Variants in HTN1 observed in about 807,000 individuals in gnomAD.
The protein encoded by HTN1 is histatin-1.
Under a neutral mutation model 11.2 loss-of-function variants are expected in HTN1, and 18 were observed. The ratio of observed to expected loss-of-function variants is 1.61; its 90% CI spans 1.12 to 2.39. The LOEUF (loss-of-function observed/expected upper bound fraction) is 2.39, where lower values mean the gene tolerates loss of function less well. Ranked by LOEUF, HTN1 falls within the 30% of genes most tolerant of loss-of-function variation. HTN1 has a pLI of 0.00. For missense variants in HTN1, 80 were observed against 67.2 expected (o/e 1.19, Z -0.67); for synonymous variants, 21 against 20.5 (o/e 1.02, Z -0.07).
In HTN1 at chr4:70,052,821, C is replaced by T. The variant is rs181940290; in HGVS notation, c.-13-243C>T. ...AAAAAAAAAAAAGAAAGAAAAAATT[C>T]GCTGGGCATGGTGGCACACACTTGT... On this transcript the variant is annotated intron_variant, in intron 1 of 5. Transcript: ENST00000246896. 1.6e-4 allele frequency: 49 copies of T among 315,072 alleles called. 1 individual carries two copies. The highest frequency in any genetic ancestry group is 1.1e-3 in the Admixed American group (24 of 22,362). The allele number at this position is 315,072 out of a possible 1,614,324, so 19.5% of individuals were successfully genotyped here. A position where few individuals can be genotyped will look rare whatever the true frequency, so the allele number is the denominator to read the frequency against.
chr4:70,057,316 A>T (rs1726068779), intron 5 of HTN1: 2 of 152,310 alleles, frequency 1.3e-5, no homozygotes, highest in South Asian at 4.1e-4. Context: ...GGTCTCACTC[A>T]TAAGTGGGAG....
intron 4 of HTN1, 51 bp downstream of exon 4, chr4:70,054,501 T>G (rs777988625): frequency 8.8e-7 from 1 of 1,139,672 alleles, no homozygotes; most frequent in Non-Finnish European, 1.3e-6. Context: ...CCTCTCTGAC[T>G]ATTTATTCTC....
chr4:70,051,781 GT>G (rs1725900433), intron 1 of HTN1, among the ~76,000 whole-genome samples: 1 of 152,062 alleles, frequency 6.6e-6, no homozygotes, highest in Non-Finnish European at 1.5e-5. Flanking sequence ...ATGTAGGGCT[GT>G]TTAAGAGCAG....
At chr4:70,055,068 T>C (rs1389686508) in intron 4 of HTN1, among the ~76,000 whole-genome samples, 1 of 151,922 alleles carries the variant, frequency 6.6e-6, no homozygotes, top group Non-Finnish European at 1.5e-5. Context: ...GCAGTGGGTA[T>C]GAAAGAATGT....
At chr4:70,053,837 T>C (rs1725960617) in intron 2 of HTN1, among the ~76,000 whole-genome samples, 1 of 152,136 alleles carries the variant, frequency 6.6e-6, no homozygotes, top group African/African-American at 2.4e-5. Flanking sequence ...CTAATGAATG[T>C]TTCGAAACTG....
intron 1 of HTN1, among the ~76,000 whole-genome samples, chr4:70,051,042 C>G (rs575898596): frequency 6.6e-6 from 1 of 152,100 alleles, no homozygotes; most frequent in African/African-American, 2.4e-5. Context: ...GTATTACATC[C>G]TCTCTGATGG....
intron 5 of HTN1, chr4:70,057,678 C>T (rs964329061): frequency 6.6e-6 from 1 of 152,062 alleles, no homozygotes; most frequent in Non-Finnish European, 1.5e-5. Flanking sequence ...TATAATACTA[C>T]TTAAGCTTTT....
intron 4 of HTN1, among the ~76,000 whole-genome samples, chr4:70,054,710 A>G (rs1251195204): frequency 1.3e-5 from 2 of 152,064 alleles, no homozygotes; most frequent in Non-Finnish European, 2.9e-5. Flanking sequence ...TGTCCTGTAA[A>G]TAATTTCATT....
chr4:70,055,422 T>C (rs774023728), intron 4 of HTN1, 76 bp from the exon 5 acceptor site: 14 of 1,025,716 alleles, frequency 1.4e-5, no homozygotes, highest in Non-Finnish European at 2.1e-5. Context: ...AAGCTTTTAA[T>C]GACAGTTTTT....
In HTN1 at chr4:70,055,567, T is replaced by C. The variant is rs1726018966; in HGVS notation, c.172T>C (p.Ter58ArgextTer3). Residue 58 changes from the stop codon to arginine (R), a stop_lost, in exon 5 of 6, where the codon TGA (stop) becomes CGA (arginine). Coordinates refer to ENST00000246896, the MANE Select transcript of HTN1 (RefSeq NM_002159.4). ...TGGATCAAATTATCTATATGACAATTGATATCCTTAGTAATCATGGGGCAT... is the reference window on the plus strand; with the variant it reads ...TGGATCAAATTATCTATATGACAATCGATATCCTTAGTAATCATGGGGCAT... ...DYGSNYLYDN[*>R] The C allele has an allele frequency of 1.3e-6, 2 of 1,541,920 alleles. No homozygotes were observed. The highest frequency in any genetic ancestry group is 1.8e-6 in the Non-Finnish European group (2 of 1,115,444).
intron 5 of HTN1, chr4:70,057,049 G>T (rs1726061579): frequency 1.3e-5 from 2 of 152,116 alleles, no homozygotes; most frequent in African/African-American, 2.4e-5. Flanking sequence ...TATACCCAAA[G>T]GAACGTAAAT....
chr4:70,055,043 CTGTT>C (rs963679217), intron 4 of HTN1, among the ~76,000 whole-genome samples: 4 of 151,910 alleles, frequency 2.6e-5, no homozygotes, highest in Admixed American at 1.3e-4. Flanking sequence ...TGGATGAAGA[CTGTT>C]TGTGTTAACA....
At position 70,050,452 on chromosome 4, in the gene HTN1, C is replaced by T. The variant is rs1383401299; in HGVS notation, c.-57C>T. The stretch of plus-strand genomic sequence containing the variant: ...TAGAAAAGGACATCTCTTGAGACTT[C>T]ACTTCAGCTTCACTGACTTCTTGAC... On this transcript the variant is annotated 5_prime_UTR_variant, in exon 1 of 6. Coordinates refer to ENST00000246896, the MANE Select transcript of HTN1 (RefSeq NM_002159.4). 6.6e-6 allele frequency: 1 copy of T among 152,128 alleles called. No individual in the cohort carries two copies. The highest frequency in any genetic ancestry group is 1.5e-5 in the Non-Finnish European group (1 of 68,024). The allele number at this position is 152,128 out of a possible 1,614,324, so 9.4% of individuals were successfully genotyped here. A position where few individuals can be genotyped will look rare whatever the true frequency, so the allele number is the denominator to read the frequency against.
In HTN1 at chr4:70,054,309, C is replaced by T. The variant is rs778229814; in HGVS notation, c.52-13C>T. ...AAAATATTAATTATTTTCTCATTTTCTTTTTTTCCAAGAGCGCTGATTCAC... is the reference window on the plus strand; with the variant it reads ...AAAATATTAATTATTTTCTCATTTTTTTTTTTTCCAAGAGCGCTGATTCAC... On this transcript the variant is annotated splice_polypyrimidine_tract_variant and intron_variant, in intron 2 of 5. Coordinates refer to ENST00000246896, the MANE Select transcript of HTN1 (RefSeq NM_002159.4). 1 of 1,439,978 alleles carries T rather than the reference C, an allele frequency of 6.9e-7. No homozygotes were observed. The highest frequency in any genetic ancestry group is 9.4e-7 in the Non-Finnish European group (1 of 1,061,192). The allele number at this position is 1,439,978 out of a possible 1,614,324, so 89.2% of individuals were successfully genotyped here.
At chr4:70,057,962 A>G (rs1726085076) in intron 5 of HTN1, 1 of 152,226 alleles carries the variant, frequency 6.6e-6, no homozygotes, top group Non-Finnish European at 1.5e-5. Flanking sequence ...TCAAGGAAAT[A>G]GAAAATGGTA....
At chr4:70,054,162 T>G (rs1725972380) in intron 2 of HTN1, among the ~76,000 whole-genome samples, 160 bp from the exon 3 acceptor site, 2 of 152,112 alleles carry the variant, frequency 1.3e-5, no homozygotes, top group Admixed American at 1.3e-4. Flanking sequence ...TCACTCATTT[T>G]GAAGATGTCA....
rs1725946358 is a variant in HTN1 at position 70,053,245 on chromosome 4, A to G, written c.51+118A>G. 6.6e-6 allele frequency: 4 copies of G among 605,632 alleles called. No homozygotes were observed. The East Asian group carries it at 1.1e-4, about 17-fold the overall frequency. The allele number at this position is 605,632 out of a possible 1,614,324, so 37.5% of individuals were successfully genotyped here. ...ACCTCAATACAGCTTTATAAGCTTT[A>G]ATATTTCCCTACAAGGAGTTTCTTT... On this transcript the variant is annotated intron_variant, in intron 2 of 5. Transcript: ENST00000246896.
chr4:70,053,959 T>G, intron 2 of HTN1, among the ~76,000 whole-genome samples: 1 of 152,076 alleles, frequency 6.6e-6, no homozygotes. Flanking sequence ...TATCAGCAAA[T>G]AAAATATTTG....
Position 70,052,842 on chromosome 4 carries a change from C to G in HTN1, c.-13-222C>G, listed in dbSNP as rs1313798889. The G allele has an allele frequency of 1.1e-4, 46 of 401,750 alleles. No individual in the cohort carries two copies. The East Asian group carries it at 1.7e-3, about 15-fold the overall frequency. 24.9% of individuals were successfully genotyped at this position (401,750 alleles called of 1,614,324 possible). A position where few individuals can be genotyped will look rare whatever the true frequency, so the allele number is the denominator to read the frequency against. ...AATTCGCTGGGCATGGTGGCACACACTTGTAGTTCCAGCTACAAGTGGGAC... is the reference window on the plus strand; with the variant it reads ...AATTCGCTGGGCATGGTGGCACACAGTTGTAGTTCCAGCTACAAGTGGGAC... On this transcript the variant is annotated intron_variant, in intron 1 of 5. Transcript: ENST00000246896.
Sources: allele counts gnomAD v4.1 joint callset (sites outside exome capture counted in the v4.1 genomes callset), GRCh38; gene constraint gnomAD v4.1.1; transcripts MANE v1.5; gene names NCBI Gene and HGNC (gene_info 2026-07-23, HGNC 2026-07-21).